Variants in CCDC85A observed in about 807,000 individuals in gnomAD.
CCDC85A encodes coiled-coil domain containing 85A.
Under a neutral mutation model 50.2 loss-of-function variants are expected in CCDC85A, and 38 were observed. That is an observed-to-expected ratio of 0.76 (90% CI 0.58 to 0.99). The LOEUF (loss-of-function observed/expected upper bound fraction) is 0.99, where lower values mean the gene tolerates loss of function less well. Ranked by LOEUF, CCDC85A falls within the 50% of genes least tolerant of loss-of-function variation. The pLI, the probability that CCDC85A is intolerant of heterozygous loss-of-function variation, is 0.00. For synonymous variants in CCDC85A, 366 were observed against 301.4 expected (o/e 1.21, Z -2.22); for missense variants, 820 against 742.0 (o/e 1.11, Z -1.22).
At chr2:56,195,954 A>G (rs550960466) in intron 2 of CCDC85A, among the ~76,000 whole-genome samples, 1 of 152,282 alleles carries the variant, frequency 6.6e-6, no homozygotes, top group Non-Finnish European at 1.5e-5. Flanking sequence ...CTCCCAAAAC[A>G]CACACATATG....
Position 56,384,571 on chromosome 2 carries a change from C to A in CCDC85A, c.*216C>A. 1 of 474,252 alleles carries A rather than the reference C, an allele frequency of 2.1e-6. No homozygotes were observed. Among genetic ancestry groups the A allele is most frequent in the East Asian group, 3.2e-5 (1 of 31,688 alleles). The allele number at this position is 474,252 out of a possible 1,614,324, so 29.4% of individuals were successfully genotyped here. ...CCTCAATGTCCACAACAGTCAATCT[C>A]AAACAAGGTAGCTTTGAACATCTCA... On this transcript the variant is annotated 3_prime_UTR_variant, in exon 6 of 6. Transcript: ENST00000407595.
At chr2:56,352,933 G>C (rs892173773) in intron 3 of CCDC85A, among the ~76,000 whole-genome samples, 1 of 152,130 alleles carries the variant, frequency 6.6e-6, no homozygotes, top group African/African-American at 2.4e-5. Flanking sequence ...TATGGAAAGA[G>C]CTACTCAGCT....
chr2:56,376,367 A>G (rs1676338193), intron 5 of CCDC85A, among the ~76,000 whole-genome samples: 2 of 152,212 alleles, frequency 1.3e-5, no homozygotes, highest in African/African-American at 4.8e-5. Flanking sequence ...TGCAACTTAA[A>G]TAAAATATTG....
At chr2:56,196,443 T>C (rs1277389143) in intron 2 of CCDC85A, among the ~76,000 whole-genome samples, 1 of 152,218 alleles carries the variant, frequency 6.6e-6, no homozygotes, top group Non-Finnish European at 1.5e-5. Context: ...TTTATAAATG[T>C]TCATAAAGTG....
chr2:56,243,166 GAT>G (rs36023681), intron 2 of CCDC85A, among the ~76,000 whole-genome samples: 29,379 of 151,690 alleles, frequency 0.19, 2,941 homozygotes, highest in East Asian at 0.28. Flanking sequence ...CTTGAATATT[GAT>G]ATCTTTGTCT....
chr2:56,199,532 T>C (rs1441655042), intron 2 of CCDC85A, among the ~76,000 whole-genome samples: 1 of 152,206 alleles, frequency 6.6e-6, no homozygotes, highest in East Asian at 1.9e-4. Flanking sequence ...GAGATAGAAC[T>C]GTGGATTCCT....
At chr2:56,361,296 T>C (rs1444677205) in intron 3 of CCDC85A, among the ~76,000 whole-genome samples, 2 of 151,978 alleles carry the variant, frequency 1.3e-5, no homozygotes, top group African/African-American at 4.8e-5. Context: ...CTGTAGGTCA[T>C]GGAAGGCTGA....
intron 2 of CCDC85A, among the ~76,000 whole-genome samples, chr2:56,319,727 G>A (rs1052307732): frequency 2.0e-5 from 3 of 152,040 alleles, no homozygotes; most frequent in Admixed American, 6.6e-5. Flanking sequence ...TTGAAGTCAA[G>A]TAAAAGACCC....
At chr2:56,283,505 T>C (rs868780311) in intron 2 of CCDC85A, among the ~76,000 whole-genome samples, 70 of 152,312 alleles carry the variant, frequency 4.6e-4, no homozygotes, top group African/African-American at 1.7e-3. Flanking sequence ...TTGGATTTAC[T>C]ATTACTTTCA....
chr2:56,184,717 G>T lies in CCDC85A; in HGVS notation c.93G>T (p.Ala31=), dbSNP rs781609304. Reference sequence around the variant, plus strand: ...CCGGCTCGTCCGCGGCCCCGCCCGCGCCGGTGGAGGACCTGTCCAAAGTGT... The same window carrying T: ...CCGGCTCGTCCGCGGCCCCGCCCGCTCCGGTGGAGGACCTGTCCAAAGTGT... ...APAGSSAAPP[A]PVEDLSKVSD... is the part of the protein sequence containing the mutation. Residue 31 remains alanine (A), a synonymous_variant, in exon 1 of 6, where the codon GCG becomes GCT. Coordinates refer to ENST00000407595, the MANE Select transcript of CCDC85A (RefSeq NM_001080433.2). 6 of 1,530,084 alleles carry T rather than the reference G, an allele frequency of 3.9e-6. No individual in the cohort carries two copies. In the South Asian group the frequency reaches 7.3e-5, roughly 19 times the overall value. The allele number at this position is 1,530,084 out of a possible 1,614,324, so 94.8% of individuals were successfully genotyped here. A position where few individuals can be genotyped will look rare whatever the true frequency, so the allele number is the denominator to read the frequency against.
intron 2 of CCDC85A, among the ~76,000 whole-genome samples, chr2:56,200,903 A>T (rs889961258): frequency 6.6e-6 from 1 of 152,092 alleles, no homozygotes; most frequent in African/African-American, 2.4e-5. Context: ...CAATTACCGG[A>T]TAAATGAAAC....
chr2:56,320,154 T>C (rs1206974483), intron 2 of CCDC85A, among the ~76,000 whole-genome samples: 2 of 152,068 alleles, frequency 1.3e-5, no homozygotes. Flanking sequence ...TAGAGGGAAA[T>C]TTATAGCACT....
chr2:56,235,222 A>G (rs940527901), intron 2 of CCDC85A: 1 of 152,214 alleles, frequency 6.6e-6, no homozygotes, highest in Non-Finnish European at 1.5e-5. Flanking sequence ...GGAATTGTTA[A>G]CAAAGGCATA....
intron 2 of CCDC85A, among the ~76,000 whole-genome samples, chr2:56,330,988 G>C (rs1231021456): frequency 6.6e-6 from 1 of 151,680 alleles, no homozygotes; most frequent in Non-Finnish European, 1.5e-5. Context: ...TCTATCAGTG[G>C]ATGATTGAAT....
At chr2:56,360,158 T>C (rs1573337810) in intron 3 of CCDC85A, among the ~76,000 whole-genome samples, 1 of 152,378 alleles carries the variant, frequency 6.6e-6, no homozygotes. Context: ...AAATAAACTT[T>C]TTTTAAAAAA....
intron 2 of CCDC85A, among the ~76,000 whole-genome samples, chr2:56,267,764 C>G (rs185735604): frequency 2.6e-5 from 4 of 152,160 alleles, no homozygotes; most frequent in African/African-American, 7.2e-5. Context: ...CTATTTTGAA[C>G]TTCTGAATAG....
At chr2:56,260,255 A>T (rs1670163663) in intron 2 of CCDC85A, among the ~76,000 whole-genome samples, 3 of 152,168 alleles carry the variant, frequency 2.0e-5, no homozygotes, top group Admixed American at 2.0e-4. Context: ...TCCCTGAAAC[A>T]CCATTGGTCT....
chr2:56,365,574 C>G (rs1288197427), intron 3 of CCDC85A, among the ~76,000 whole-genome samples: 1 of 152,122 alleles, frequency 6.6e-6, no homozygotes, highest in African/African-American at 2.4e-5. Flanking sequence ...AAAAATCACT[C>G]TGGGGTATAA....
chr2:56,266,815 C>T (rs1346036025), intron 2 of CCDC85A, among the ~76,000 whole-genome samples: 2 of 152,040 alleles, frequency 1.3e-5, no homozygotes, highest in South Asian at 2.1e-4. Context: ...GTTATGTCCT[C>T]TTTATTGGAA....
Sources: allele counts gnomAD v4.1 joint callset (sites outside exome capture counted in the v4.1 genomes callset), GRCh38; gene constraint gnomAD v4.1.1; transcripts MANE v1.5; gene names NCBI Gene and HGNC (gene_info 2026-07-23, HGNC 2026-07-21).